CAST: variants seen among roughly 807,000 people sequenced by gnomAD.
The protein encoded by CAST is calpastatin.
CAST carries 76 observed loss-of-function variants against 119.6 expected under a neutral mutation model. That is an observed-to-expected ratio of 0.64 (90% CI 0.53 to 0.77). CAST has a LOEUF of 0.77. Among genes scored for constraint, CAST ranks in the 30% least tolerant of loss-of-function variants. CAST has a pLI of 0.00. For missense variants in CAST, 953 were observed against 946.5 expected, an observed-to-expected ratio of 1.01 and a Z score of -0.09; for synonymous variants, 319 against 331.6, an observed-to-expected ratio of 0.96 and a Z score of 0.41.
the CAST span, chr5:96,425,892 A>G: frequency 1.2e-6 from 2 of 1,612,546 alleles, no homozygotes; most frequent in East Asian, 4.5e-5. Flanking sequence ...CTGAACGTTT[A>G]CTTCTTTCTT....
At chr5:96,547,838 G>C (rs555232954) in intron 1 of CAST, among the ~76,000 whole-genome samples, 66 of 152,266 alleles carry the variant, frequency 4.3e-4, no homozygotes, top group African/African-American at 1.5e-3. Flanking sequence ...CAACTATTTG[G>C]GAGGTGGGGT....
intron 1 of CAST, among the ~76,000 whole-genome samples, chr5:96,557,225 G>A (rs1464919326): frequency 6.6e-6 from 1 of 152,010 alleles, no homozygotes; most frequent in East Asian, 1.9e-4. Context: ...AACATGGAAA[G>A]GAACAACTGG....
the CAST span, among the ~76,000 whole-genome samples, chr5:96,415,566 T>A: frequency 1.3e-5 from 2 of 152,220 alleles, no homozygotes; most frequent in Non-Finnish European, 2.9e-5. Context: ...AAATCCTACA[T>A]CCTTGCTATA....
chr5:96,104,158 C>G, the CAST span, among the ~76,000 whole-genome samples: 132 of 152,096 alleles, frequency 8.7e-4, no homozygotes, highest in African/African-American at 2.9e-3. Context: ...GAGTAGGTTG[C>G]GAAAATTTTC....
chr5:96,620,408 C>A (rs572557096), intron 1 of CAST, among the ~76,000 whole-genome samples: 2 of 151,686 alleles, frequency 1.3e-5, no homozygotes, highest in African/African-American at 4.8e-5. Flanking sequence ...TTTTCTGAGG[C>A]TAGCAGTATG....
chr5:96,139,090 A>G, the CAST span, among the ~76,000 whole-genome samples: 2 of 151,818 alleles, frequency 1.3e-5, no homozygotes, highest in African/African-American at 4.8e-5. Context: ...ATTTTCAGGA[A>G]GTTCTCCTCT....
intron 1 of CAST, among the ~76,000 whole-genome samples, chr5:96,623,657 A>T (rs1747663323): frequency 6.6e-6 from 1 of 152,152 alleles, no homozygotes; most frequent in African/African-American, 2.4e-5. Context: ...ACCTTATTGG[A>T]AGAAAAGGGG....
chr5:96,461,630 T>C, the CAST span, among the ~76,000 whole-genome samples: 90 of 152,158 alleles, frequency 5.9e-4, no homozygotes, highest in African/African-American at 2.1e-3. Context: ...CATGCCTGGG[T>C]CTCTCATTTT....
chr5:96,267,290 C>G, the CAST span, among the ~76,000 whole-genome samples: 1 of 152,018 alleles, frequency 6.6e-6, no homozygotes, highest in Non-Finnish European at 1.5e-5. Context: ...CTTTTCAAAA[C>G]TTGAGAAAGA....
At chr5:96,543,627 A>G (rs1286906875) in intron 1 of CAST, among the ~76,000 whole-genome samples, 3 of 152,194 alleles carry the variant, frequency 2.0e-5, no homozygotes, top group Non-Finnish European at 4.4e-5. Flanking sequence ...GGTTTTTTTC[A>G]TAGTCTGTGC....
chr5:96,347,912 C>T, the CAST span, among the ~76,000 whole-genome samples: 1 of 152,144 alleles, frequency 6.6e-6, no homozygotes, highest in Non-Finnish European at 1.5e-5. Context: ...GTGAGAAGAA[C>T]ACAGTAGTTC....
At chr5:96,680,497 T>G (rs1751279186) in intron 2 of CAST, among the ~76,000 whole-genome samples, 2 of 152,032 alleles carry the variant, frequency 1.3e-5, no homozygotes, top group Non-Finnish European at 2.9e-5. Context: ...CTTTGTTTGC[T>G]TATTTTGTTT....
At chr5:96,091,126 GAGAC>G in the CAST span, among the ~76,000 whole-genome samples, 2 of 151,934 alleles carry the variant, frequency 1.3e-5, no homozygotes, top group African/African-American at 4.8e-5. Context: ...GCTGGCTTTG[GAGAC>G]AGACAGGCCT....
At chr5:96,593,046 T>G (rs1328119300) in intron 1 of CAST, among the ~76,000 whole-genome samples, 3 of 152,250 alleles carry the variant, frequency 2.0e-5, no homozygotes, top group African/African-American at 7.2e-5. Flanking sequence ...ATTACAGGCG[T>G]GAGCCACTGT....
chr5:96,694,195 A>G (rs1753025392), intron 2 of CAST, among the ~76,000 whole-genome samples: 1 of 152,238 alleles, frequency 6.6e-6, no homozygotes, highest in Admixed American at 6.5e-5. Flanking sequence ...TCAATTATAC[A>G]TATAAAATAT....
chr5:96,215,377 G>A, the CAST span: 1 of 152,128 alleles, frequency 6.6e-6, no homozygotes, highest in African/African-American at 2.4e-5. Flanking sequence ...TAAATAGCAT[G>A]TTTTTATTAA....
chr5:96,428,906 C>T, the CAST span, among the ~76,000 whole-genome samples: 2 of 152,068 alleles, frequency 1.3e-5, no homozygotes, highest in African/African-American at 2.4e-5. Flanking sequence ...TAAATATTCA[C>T]TTTCATGCTC....
the CAST span, chr5:96,393,078 A>G: frequency 6.2e-7 from 1 of 1,614,120 alleles, no homozygotes; most frequent in Non-Finnish European, 8.5e-7. Context: ...TTAGTGTTAT[A>G]AAAAACATCA....
chr5:96,422,668 G>C, the CAST span, among the ~76,000 whole-genome samples: 1 of 152,098 alleles, frequency 6.6e-6, no homozygotes, highest in Non-Finnish European at 1.5e-5. Flanking sequence ...GGGAATGTTT[G>C]ATAGGTGGAA....
Sources: gnomAD v4.1 joint callset for allele counts (sites outside exome capture counted in the v4.1 genomes callset) on GRCh38, gnomAD v4.1.1 for gene constraint, MANE v1.5 for transcripts, NCBI Gene and HGNC (gene_info 2026-07-23, HGNC 2026-07-21) for gene names.